Variants in STK32B observed in about 807,000 individuals in gnomAD.
STK32B encodes serine/threonine kinase 32B, also known as serine/threonine-protein kinase 32B.
A neutral mutation model predicts 52.6 loss-of-function variants in STK32B; 43 were observed. That is an observed-to-expected ratio of 0.82 (90% CI 0.64 to 1.05). STK32B has a LOEUF of 1.05. STK32B is among the 50% of genes least tolerant of loss of function. STK32B has a pLI of 0.00. For missense variants in STK32B, 621 were observed against 534.6 expected (o/e 1.16, Z -1.59); for synonymous variants, 238 against 204.3 (o/e 1.17, Z -1.41).
intron 1 of STK32B, among the ~76,000 whole-genome samples, chr4:5,120,687 G>A (rs961833908): frequency 6.6e-6 from 1 of 152,076 alleles, no homozygotes; most frequent in Admixed American, 6.6e-5. Flanking sequence ...GTAGTCATGA[G>A]AATTTTTGAG....
intron 1 of STK32B, among the ~76,000 whole-genome samples, chr4:5,064,911 T>C (rs910613145): frequency 6.7e-6 from 1 of 149,762 alleles, no homozygotes; most frequent in Non-Finnish European, 1.5e-5. Context: ...CTCCTTAAGA[T>C]TTATGCATAT....
intron 3 of STK32B, among the ~76,000 whole-genome samples, chr4:5,324,261 G>A (rs1731726929): frequency 6.6e-6 from 1 of 152,144 alleles, no homozygotes; most frequent in Non-Finnish European, 1.5e-5. Context: ...GGGTGAGGCA[G>A]GATAATTGCT....
intron 3 of STK32B, among the ~76,000 whole-genome samples, chr4:5,271,779 G>A (rs953693066): frequency 1.2e-4 from 17 of 140,076 alleles, no homozygotes; most frequent in African/African-American, 1.9e-4. Context: ...GTGAATGGGA[G>A]TTCACTCATG....
chr4:5,301,088 T>C (rs1316584443), intron 3 of STK32B, among the ~76,000 whole-genome samples: 2 of 152,126 alleles, frequency 1.3e-5, no homozygotes, highest in East Asian at 3.8e-4. Context: ...TTTAGACTGA[T>C]TTTCGTATGT....
intron 5 of STK32B, among the ~76,000 whole-genome samples, chr4:5,401,358 A>G (rs1049272950): frequency 2.0e-5 from 3 of 152,226 alleles, no homozygotes; most frequent in Admixed American, 1.3e-4. Context: ...TGCATTGAAT[A>G]CTTTCTCAGA....
intron 1 of STK32B, among the ~76,000 whole-genome samples, chr4:5,107,769 G>A (rs1024715905): frequency 7.2e-5 from 11 of 152,110 alleles, no homozygotes; most frequent in African/African-American, 2.2e-4. Flanking sequence ...AGAAGTTGGT[G>A]TCTTTACAGA....
intron 2 of STK32B, among the ~76,000 whole-genome samples, chr4:5,157,983 AT>A (rs1718002041): frequency 6.6e-6 from 1 of 152,196 alleles, no homozygotes; most frequent in Admixed American, 6.5e-5. Flanking sequence ...ATATTTATTC[AT>A]TTCATATGAA....
At chr4:5,449,139 G>T (rs979382306) in intron 7 of STK32B, among the ~76,000 whole-genome samples, 22 of 152,130 alleles carry the variant, frequency 1.4e-4, no homozygotes, top group African/African-American at 5.1e-4. Context: ...GTCGGAGATC[G>T]AAACAAGCCT....
intron 7 of STK32B, among the ~76,000 whole-genome samples, chr4:5,449,077 C>T (rs1305761057): frequency 6.6e-6 from 1 of 152,176 alleles, no homozygotes; most frequent in Non-Finnish European, 1.5e-5. Flanking sequence ...CACGGTGACT[C>T]AGATCTGTAA....
At chr4:5,494,151 G>A (rs59296742) in intron 11 of STK32B, among the ~76,000 whole-genome samples, 9,151 of 151,958 alleles carry the variant, frequency 0.06, 912 homozygotes, top group African/African-American at 0.21. Context: ...TTTCTGTCTC[G>A]TTGATCTGTC....
rs994192354 is a variant in STK32B at position 5,395,962 on chromosome 4, G to T, written c.435-2245G>T. On this transcript the variant is annotated intron_variant, in intron 4 of 11. Coordinates refer to ENST00000282908, the MANE Select transcript of STK32B (RefSeq NM_018401.3). The surrounding 1 kb of genome is among the most constrained non-coding windows in gnomAD (Gnocchi z 4.4). Reference sequence around the variant, plus strand: ...GTGCGCCGGTGCAATGTGGATGTGGGGGCGTGGCCAGGCCCTGGGCTTGTC... The same window carrying T: ...GTGCGCCGGTGCAATGTGGATGTGGTGGCGTGGCCAGGCCCTGGGCTTGTC... Among the ~76,000 whole-genome samples the T allele has an allele frequency of 2.6e-5, 4 of 152,180 alleles. No individual in the cohort carries two copies. The highest frequency in any genetic ancestry group is 4.4e-5 in the Non-Finnish European group (3 of 68,048).
intron 2 of STK32B, among the ~76,000 whole-genome samples, chr4:5,163,679 T>C (rs1417162614): frequency 6.6e-6 from 1 of 151,924 alleles, no homozygotes; most frequent in African/African-American, 2.4e-5. Flanking sequence ...CTTGCAGGCT[T>C]TAAGTCTTTG....
intron 3 of STK32B, among the ~76,000 whole-genome samples, chr4:5,255,026 A>G (rs1017849802): frequency 2.0e-5 from 3 of 151,320 alleles, no homozygotes. Context: ...GATATTGGGT[A>G]TTTCACAATG....
intron 3 of STK32B, among the ~76,000 whole-genome samples, chr4:5,280,351 ACTT>A (rs1728113010): frequency 6.6e-6 from 1 of 152,006 alleles, no homozygotes; most frequent in Non-Finnish European, 1.5e-5. Context: ...CTCAGCCTGG[ACTT>A]CACTGTCCAT....
rs144933749 is a variant in STK32B, at chr4:5,370,850, G to A, written c.435-27357G>A. On this transcript the variant is annotated intron_variant, in intron 4 of 11. Coordinates refer to ENST00000282908, the MANE Select transcript of STK32B (RefSeq NM_018401.3). ...TAGCCAGATGTGGTGGTGCATGCCTGTAGTCCCAGCTACTCAGGAGGCTGA... is the reference window on the plus strand; with the variant it reads ...TAGCCAGATGTGGTGGTGCATGCCTATAGTCCCAGCTACTCAGGAGGCTGA... Among the ~76,000 whole-genome samples the A allele has an allele frequency of 5.8e-3, 887 of 152,038 alleles. 19 individuals carry two copies. Among genetic ancestry groups the A allele is most frequent in the African/African-American group, 0.015 (617 of 41,462 alleles).
intron 3 of STK32B, among the ~76,000 whole-genome samples, chr4:5,311,903 T>G (rs1577326359): frequency 8.4e-6 from 1 of 118,808 alleles, no homozygotes; most frequent in Non-Finnish European, 1.6e-5. Context: ...TGCATACTTT[T>G]ATATATATAT....
At position 5,386,033 on chromosome 4, in the gene STK32B, C is replaced by T. The variant is rs181041367; in HGVS notation, c.435-12174C>T. Among the ~76,000 whole-genome samples, 175 of 144,334 alleles carry T rather than the reference C, an allele frequency of 1.2e-3. No homozygotes were observed. Among genetic ancestry groups the T allele is most frequent in the African/African-American group, 4.3e-3 (166 of 38,666 alleles). 94.7% of individuals were successfully genotyped at this position (144,334 alleles called of 152,430 possible). ...CACGGCTCCACTCACAGCCCCTACC[C>T]AGAGCCCCCACCCACACCCACAGCC... is the stretch of plus-strand genomic sequence containing the variant. On this transcript the variant is annotated intron_variant, in intron 4 of 11. Transcript: ENST00000282908. This position sits in a 1 kb window ranked among gnomAD's most constrained non-coding sequence, Gnocchi z 4.5.
At chr4:5,267,951 A>C (rs1267885264) in intron 3 of STK32B, among the ~76,000 whole-genome samples, 2 of 152,160 alleles carry the variant, frequency 1.3e-5, no homozygotes, top group Non-Finnish European at 2.9e-5. Context: ...GACTCTGAGA[A>C]GGGCTTGCCA....
At chr4:5,316,497 C>T (rs867201537) in intron 3 of STK32B, among the ~76,000 whole-genome samples, 3 of 524 alleles carry the variant, frequency 5.7e-3, no homozygotes, top group Non-Finnish European at 6.7e-3. Flanking sequence ...ATATATATTA[C>T]ATATATAATA....
Sources: gnomAD v4.1 joint callset for allele counts (sites outside exome capture counted in the v4.1 genomes callset) on GRCh38, gnomAD v4.1.1 for gene constraint, Gnocchi (gnomAD v3.1) non-coding constraint, MANE v1.5 for transcripts, NCBI Gene and HGNC (gene_info 2026-07-23, HGNC 2026-07-21) for gene names.